Variants in CNTN5 observed in about 807,000 individuals in gnomAD.
The protein encoded by CNTN5 is contactin 5.
In CNTN5, 77 loss-of-function variants were observed where a neutral mutation model predicts 129.1. The ratio of observed to expected loss-of-function variants is 0.60; its 90% CI spans 0.50 to 0.72. The LOEUF is 0.72. Among genes scored for constraint, CNTN5 ranks in the 30% least tolerant of loss-of-function variants. The pLI is 0.00. For synonymous variants in CNTN5, 509 were observed against 465.6 expected, an observed-to-expected ratio of 1.09 and a Z score of -1.20; for missense variants, 1,478 against 1,328.8, an observed-to-expected ratio of 1.11 and a Z score of -1.75.
chr11:99,612,909 G>C (rs980283905), intron 3 of CNTN5, among the ~76,000 whole-genome samples: 1 of 152,138 alleles, frequency 6.6e-6, no homozygotes, highest in Admixed American at 6.6e-5. Context: ...AAAGAGGAGC[G>C]GGCAAGGAAC....
intron 8 of CNTN5, among the ~76,000 whole-genome samples, chr11:99,998,723 G>A (rs1472529750): frequency 2.8e-5 from 4 of 142,836 alleles, no homozygotes; most frequent in Admixed American, 2.2e-4. Flanking sequence ...AAAGAACAAA[G>A]CTGGAGGCAT....
chr11:99,715,035 T>A, intron 3 of CNTN5, among the ~76,000 whole-genome samples: 1 of 151,990 alleles, frequency 6.6e-6, no homozygotes. Context: ...GAGCTAATAA[T>A]AGTACCTAAC....
At chr11:99,694,931 G>T (rs1954205105) in intron 3 of CNTN5, among the ~76,000 whole-genome samples, 1 of 152,056 alleles carries the variant, frequency 6.6e-6, no homozygotes, top group African/African-American at 2.4e-5. Flanking sequence ...ATTAAGGAAG[G>T]TTAGGTGCCT....
chr11:99,106,383 G>A lies in CNTN5; in HGVS notation c.-210+85113G>A, dbSNP rs575174372. ...AACATGTTAATGGTTTGGCCATTGGGAACTGTGTGCAGTATTATAAAAATT... is the reference window on the plus strand; with the variant it reads ...AACATGTTAATGGTTTGGCCATTGGAAACTGTGTGCAGTATTATAAAAATT... On this transcript the variant is annotated intron_variant, in intron 1 of 24. Coordinates refer to ENST00000524871, the MANE Select transcript of CNTN5 (RefSeq NM_014361.4). Among the ~76,000 whole-genome samples the A allele has an allele frequency of 1.3e-3, 197 of 152,108 alleles. 1 individual carries two copies. Among genetic ancestry groups the A allele is most frequent in the African/African-American group, 4.5e-3 (189 of 41,544 alleles).
chr11:99,893,165 C>A (rs887471457), intron 6 of CNTN5, among the ~76,000 whole-genome samples: 1 of 152,044 alleles, frequency 6.6e-6, no homozygotes, highest in African/African-American at 2.4e-5. Flanking sequence ...ATGAAAATGC[C>A]TTTACATCAA....
intron 7 of CNTN5, among the ~76,000 whole-genome samples, chr11:99,941,465 A>G (rs1290700498): frequency 6.6e-6 from 1 of 151,806 alleles, no homozygotes; most frequent in African/African-American, 2.4e-5. Flanking sequence ...ACTACTGAGG[A>G]GGTATGGTAA....
At chr11:99,034,674 G>A (rs1273037304) in intron 1 of CNTN5, among the ~76,000 whole-genome samples, 4 of 151,654 alleles carry the variant, frequency 2.6e-5, no homozygotes, top group Admixed American at 2.6e-4. Flanking sequence ...TTCTTTATTA[G>A]TCTTGCTAGC....
intron 1 of CNTN5, among the ~76,000 whole-genome samples, chr11:99,171,860 A>G (rs1048558131): frequency 2.6e-5 from 4 of 152,102 alleles, no homozygotes; most frequent in African/African-American, 9.7e-5. Context: ...TTTTCAGAAT[A>G]CTTTGAGGAT....
At chr11:100,070,378 GT>G in intron 10 of CNTN5, 45 bp from the exon 11 acceptor site, 1 of 1,561,608 alleles carries the variant, frequency 6.4e-7, no homozygotes, top group Middle Eastern at 2.0e-4. Flanking sequence ...TTGGTAAAGC[GT>G]TTGAGAAATG....
intron 6 of CNTN5, among the ~76,000 whole-genome samples, chr11:99,885,924 A>T (rs527880248): frequency 5.3e-5 from 8 of 152,302 alleles, no homozygotes; most frequent in African/African-American, 1.7e-4. Flanking sequence ...AACTTTGAAC[A>T]TTAAAAAATT....
chr11:99,290,526 T>G (rs1317750128), intron 1 of CNTN5, among the ~76,000 whole-genome samples: 1 of 151,870 alleles, frequency 6.6e-6, no homozygotes, highest in Non-Finnish European at 1.5e-5. Context: ...GTGTTTCATT[T>G]TTCATTCTAC....
At chr11:99,145,599 T>TG (rs1859744086) in intron 1 of CNTN5, among the ~76,000 whole-genome samples, 1 of 152,178 alleles carries the variant, frequency 6.6e-6, no homozygotes, top group Non-Finnish European at 1.5e-5. Context: ...TACTGTGAGT[T>TG]GCATCTAGTT....
At chr11:100,319,148 CTTTT>C (rs955738089) in intron 21 of CNTN5, among the ~76,000 whole-genome samples, 2 of 147,046 alleles carry the variant, frequency 1.4e-5, no homozygotes, top group East Asian at 2.0e-4. Context: ...TTTTCTTTTT[CTTTT>C]CTTTTTTTTT....
At chr11:99,317,970 A>G (rs1865413819) in intron 1 of CNTN5, among the ~76,000 whole-genome samples, 1 of 152,116 alleles carries the variant, frequency 6.6e-6, no homozygotes, top group African/African-American at 2.4e-5. Context: ...TTTCAGACAA[A>G]TCTGGGCAGA....
chr11:99,405,002 T>C (rs1021319734), intron 2 of CNTN5, among the ~76,000 whole-genome samples: 1 of 152,156 alleles, frequency 6.6e-6, no homozygotes, highest in African/African-American at 2.4e-5. Context: ...TATTCTAAGG[T>C]AAAACTTTTT....
intron 3 of CNTN5, among the ~76,000 whole-genome samples, chr11:99,759,302 T>C (rs1399697060): frequency 6.6e-6 from 1 of 152,036 alleles, no homozygotes; most frequent in African/African-American, 2.4e-5. Flanking sequence ...ATTCAGGTGA[T>C]AGATTTACAG....
At chr11:99,968,237 G>T (rs551536934) in intron 8 of CNTN5, among the ~76,000 whole-genome samples, 22 of 152,168 alleles carry the variant, frequency 1.4e-4, no homozygotes, top group Non-Finnish European at 3.1e-4. Context: ...AGTGGAAATA[G>T]ATTGAGAATG....
chr11:99,965,986 T>C (rs1263226346), intron 8 of CNTN5, among the ~76,000 whole-genome samples: 2 of 152,196 alleles, frequency 1.3e-5, no homozygotes, highest in Admixed American at 6.6e-5. Flanking sequence ...CACGGTCAGC[T>C]GAAATTCCTG....
chr11:99,779,336 T>G (rs1328749024), intron 3 of CNTN5, among the ~76,000 whole-genome samples: 2 of 151,984 alleles, frequency 1.3e-5, no homozygotes, highest in Non-Finnish European at 2.9e-5. Context: ...GAAATAGAAT[T>G]TTTAATGTAT....
Sources: gnomAD v4.1 joint callset for allele counts (sites outside exome capture counted in the v4.1 genomes callset) on GRCh38, gnomAD v4.1.1 for gene constraint, MANE v1.5 for transcripts, NCBI Gene and HGNC (gene_info 2026-07-23, HGNC 2026-07-21) for gene names.